ZNF594: variants seen among roughly 807,000 people sequenced by gnomAD.
ZNF594 encodes the protein zinc finger protein HZF18.
For missense variants in ZNF594, 1,037 were observed against 964.6 expected, an observed-to-expected ratio of 1.08 and a Z score of -0.99; for synonymous variants, 336 against 309.4, an observed-to-expected ratio of 1.09 and a Z score of -0.90.
chr17:5,184,137 A>G lies in ZNF594; in HGVS notation c.120T>C (p.Ser40=), dbSNP rs1318591188. Residue 40 remains serine, a synonymous_variant, in exon 2 of 2, where the codon TCT becomes TCC. Coordinates refer to ENST00000575779, the MANE Select transcript of ZNF594 (RefSeq NM_032530.2). ...CCCAGTGCTTCAATAATCTGTCCTC[A>G]GAATTACTGGTTTCAACTAACTCAC... The part of the protein sequence containing the change: ...QECELVETSN[S]EDRLLKHWVS... 13 of 1,614,190 alleles carry G rather than the reference A, an allele frequency of 8.1e-6. No homozygotes were observed. Among genetic ancestry groups the G allele is most frequent in the Non-Finnish European group, 1.1e-5 (13 of 1,180,026 alleles).
In ZNF594 at chr17:5,183,798, C is replaced by T. The variant is rs1479474007; in HGVS notation, c.459G>A (p.Lys153=). 1 of 1,614,076 alleles carries T rather than the reference C, an allele frequency of 6.2e-7. No individual in the cohort carries two copies. The highest frequency in any genetic ancestry group is 8.5e-7 in the Non-Finnish European group (1 of 1,180,024). ...TCCCACATTCATTACACACATATGG[C>T]TTATTTCCTGTATGAATTCTCTGAT... The part of the protein sequence containing the change: ...IIHQRIHTGN[K]PYVCNECGKD... Residue 153 remains lysine (K), a synonymous_variant, in exon 2 of 2, where the codon AAG becomes AAA. Transcript: ENST00000575779.
chr17:5,176,044 TAA>T (rs1380895532), downstream of ZNF594, among the ~76,000 whole-genome samples: 2 of 152,198 alleles, frequency 1.3e-5, no homozygotes, highest in Non-Finnish European at 2.9e-5. Flanking sequence ...ACACCGACGC[TAA>T]AAGAGTTTAA....
At chr17:5,187,539 G>A (rs1180536789) in intron 1 of ZNF594, among the ~76,000 whole-genome samples, 1 of 152,172 alleles carries the variant, frequency 6.6e-6, no homozygotes, top group Non-Finnish European at 1.5e-5. Flanking sequence ...TCTTCTTGGA[G>A]TGAATGAGCA....
downstream of ZNF594, chr17:5,174,926 A>G (rs886848408): frequency 1.0e-5 from 2 of 190,934 alleles, no homozygotes; most frequent in African/African-American, 2.3e-5. Flanking sequence ...TGGTAATTGT[A>G]TATGGGGTGT....
chr17:5,174,695 A>G (rs1320760574), downstream of ZNF594: 1 of 201,862 alleles, frequency 5.0e-6, no homozygotes, highest in Non-Finnish European at 1.0e-5. Flanking sequence ...AGCACAATCT[A>G]CTAATGTTGT....
chr17:5,176,015 G>T (rs571522634), downstream of ZNF594, among the ~76,000 whole-genome samples: 21 of 152,252 alleles, frequency 1.4e-4, no homozygotes, highest in African/African-American at 4.8e-4. Context: ...TTTGTTGTTT[G>T]TTTCTTTACC....
downstream of ZNF594, among the ~76,000 whole-genome samples, chr17:5,178,090 C>G (rs577908280): frequency 1.3e-5 from 2 of 148,722 alleles, no homozygotes; most frequent in African/African-American, 4.9e-5. Flanking sequence ...TTTGTGAAGC[C>G]AGCATTACTT....
intron 1 of ZNF594, among the ~76,000 whole-genome samples, chr17:5,190,700 T>C (rs993013324): frequency 6.6e-6 from 1 of 152,124 alleles, no homozygotes; most frequent in Non-Finnish European, 1.5e-5. Flanking sequence ...TGAAGTGTGA[T>C]ACCCTACTTT....
chr17:5,186,882 G>A (rs538634926), intron 1 of ZNF594, among the ~76,000 whole-genome samples: 17 of 152,304 alleles, frequency 1.1e-4, no homozygotes, highest in African/African-American at 4.1e-4. Flanking sequence ...ATCTCCATCT[G>A]AGACCACCTC....
chr17:5,187,804 CTGT>C (rs767095727), intron 1 of ZNF594, among the ~76,000 whole-genome samples: 12 of 151,844 alleles, frequency 7.9e-5, no homozygotes, highest in Non-Finnish European at 1.5e-4. Flanking sequence ...GTGTCAGCTG[CTGT>C]TATTATTACT....
At position 5,183,005 on chromosome 17, in the gene ZNF594, C is replaced by G; in HGVS notation, c.1252G>C (p.Asp418His). ...TGAATTCTATGATGTCTCAGAAGGT[C>G]TGAGCTCTGATTGAAAGTTTTCCCA... ...ECGKTFNQSS[D>H]LLRHHRIHSG... The change falls in exon 2 of 2, where the codon GAC becomes CAC. Residue 418 changes from aspartate to histidine, a missense_variant. By Grantham distance (81) the Asp-to-His change is moderately conservative (BLOSUM62 -1). Coordinates refer to ENST00000575779, the MANE Select transcript of ZNF594 (RefSeq NM_032530.2). 6.2e-7 allele frequency: 1 copy of G among 1,614,104 alleles called. No individual in the cohort carries two copies. Among genetic ancestry groups the G allele is most frequent in the South Asian group, 1.1e-5 (1 of 91,070 alleles).
rs966245720 is a variant in ZNF594 at position 5,182,769 on chromosome 17, G to A, written c.1488C>T (p.Ala496=). Residue 496 remains alanine, a synonymous_variant, in exon 2 of 2, where the codon GCC becomes GCT. Transcript: ENST00000575779. ...KPYQCTECGK[A]FRRRSLLIQH... ...GAATAAGGAGTGAACGCCGCCTGAA[G>A]GCTTTCCCACATTCAGTGCACTGAT... 3.1e-6 allele frequency: 5 copies of A among 1,613,874 alleles called. No individual in the cohort carries two copies. The highest frequency in any genetic ancestry group is 1.7e-5 in the Admixed American group (1 of 59,988).
In ZNF594 at chr17:5,184,065, G is replaced by A. The variant is rs188927890; in HGVS notation, c.192C>T (p.Ser64=). The change falls in exon 2 of 2, where the codon AGC becomes AGT. Residue 64 remains serine, a synonymous_variant. Coordinates refer to ENST00000575779, the MANE Select transcript of ZNF594 (RefSeq NM_032530.2). The part of the protein sequence containing the change: ...DAMRHLPSQE[S]GIREMHIIPQ... ...GGATAATATGCATTTCCCTGATACC[G>A]CTCTCTTGGGAAGGGAGATGTCTCA... 3,892 of 1,614,106 alleles carry A rather than the reference G, an allele frequency of 2.4e-3. 11 individuals carry two copies. The highest frequency in any genetic ancestry group is 3.0e-3 in the Non-Finnish European group (3,552 of 1,180,028).
At chr17:5,190,430 T>G (rs1939239387) in intron 1 of ZNF594, among the ~76,000 whole-genome samples, 2 of 152,214 alleles carry the variant, frequency 1.3e-5, no homozygotes, top group African/African-American at 4.8e-5. Flanking sequence ...CAAGAAAATG[T>G]GTCTACACTC....
At position 5,180,881 on chromosome 17, in the gene ZNF594, A is replaced by C. The variant is rs1274869203; in HGVS notation, c.*952T>G. ...TAATAAAACTCATTTGTAGTGCAAT[A>C]AGATGTGGTCTCCATCAGACTTTTC... is the stretch of plus-strand genomic sequence containing the variant. On this transcript the variant is annotated 3_prime_UTR_variant, in exon 2 of 2. Coordinates refer to ENST00000575779, the MANE Select transcript of ZNF594 (RefSeq NM_032530.2). 1 of 522,282 alleles carries C rather than the reference A, an allele frequency of 1.9e-6. No homozygotes were observed. The highest frequency in any genetic ancestry group is 3.5e-6 in the Non-Finnish European group (1 of 285,288). 32.4% of individuals were successfully genotyped at this position (522,282 alleles called of 1,614,324 possible).
intron 1 of ZNF594, chr17:5,184,479 G>GTGCA: frequency 1.8e-6 from 1 of 561,928 alleles, no homozygotes; most frequent in Non-Finnish European, 3.1e-6. Context: ...ACCCGCCAGG[G>GTGCA]TGCAGGCTGG....
intron 1 of ZNF594, among the ~76,000 whole-genome samples, chr17:5,185,854 C>T (rs2074382626): frequency 6.6e-6 from 1 of 152,174 alleles, no homozygotes; most frequent in South Asian, 2.1e-4. Flanking sequence ...CCAAAATGAT[C>T]TCCTTTGACT....
Position 5,183,925 on chromosome 17 carries a change from T to A in ZNF594, c.332A>T (p.Lys111Met). ...TTTCTGATGTTCAGTTAATCCTGAC[T>A]TCTGTTTGAAGTTTTGGCCACTAAC... ...YEVSGQNFKQ[K>M]SGLTEHQKIH... Residue 111 changes from lysine (K) to methionine (M), a missense_variant, in exon 2 of 2, where the codon AAG becomes ATG. Lys to Met is a moderately conservative substitution (Grantham distance 95). Transcript: ENST00000575779. The A allele has an allele frequency of 1.2e-6, 2 of 1,613,896 alleles. No homozygotes were observed. Among genetic ancestry groups the A allele is most frequent in the Non-Finnish European group, 1.7e-6 (2 of 1,180,022 alleles).
Position 5,179,843 on chromosome 17 carries a change from A to G in ZNF594, c.*1990T>C, listed in dbSNP as rs895830881. The G allele has an allele frequency of 6.6e-6, 1 of 152,168 alleles. No homozygotes were observed. Among genetic ancestry groups the G allele is most frequent in the East Asian group, 1.9e-4 (1 of 5,182 alleles). The allele number at this position is 152,168 out of a possible 1,614,324, so 9.4% of individuals were successfully genotyped here. On this transcript the variant is annotated 3_prime_UTR_variant, in exon 2 of 2. Coordinates refer to ENST00000575779, the MANE Select transcript of ZNF594 (RefSeq NM_032530.2). Reference sequence around the variant, plus strand: ...GTCAGAAGCATGATTTGTGTTGTACATGCCTTTATGTAGCAAAATATAATT... The same window carrying G: ...GTCAGAAGCATGATTTGTGTTGTACGTGCCTTTATGTAGCAAAATATAATT...
Sources: allele counts gnomAD v4.1 joint callset (sites outside exome capture counted in the v4.1 genomes callset), GRCh38; gene constraint gnomAD v4.1.1; transcripts MANE v1.5; gene names NCBI Gene and HGNC (gene_info 2026-07-23, HGNC 2026-07-21).